Variants in PSD3 observed in about 807,000 individuals in gnomAD.
The protein encoded by PSD3 is pleckstrin and Sec7 domain containing 3, also known as PH and SEC7 domain-containing protein 3.
Under a neutral mutation model 105.5 loss-of-function variants are expected in PSD3, and 49 were observed. The ratio of observed to expected loss-of-function variants is 0.46; its 90% CI spans 0.37 to 0.59. The LOEUF is 0.59. Ranked by LOEUF, PSD3 falls within the 20% of genes least tolerant of loss-of-function variation. The pLI is 0.00. For synonymous variants in PSD3, 557 were observed against 457.8 expected (o/e 1.22, Z -2.77); for missense variants, 1,561 against 1,263.8 (o/e 1.24, Z -3.57).
intron 4 of PSD3, among the ~76,000 whole-genome samples, chr8:18,840,657 G>C (rs77004696): frequency 6.6e-6 from 1 of 152,170 alleles, no homozygotes; most frequent in Non-Finnish European, 1.5e-5. Flanking sequence ...CCCATAACAC[G>C]GCAGGCCAGT....
intron 8 of PSD3, among the ~76,000 whole-genome samples, chr8:18,786,459 T>A (rs1437062167): frequency 6.6e-6 from 1 of 152,244 alleles, no homozygotes; most frequent in Non-Finnish European, 1.5e-5. Flanking sequence ...AATTCAGATT[T>A]ACTTTAACTG....
chr8:18,599,211 C>T lies in PSD3; in HGVS notation c.2481+1153G>A, dbSNP rs188585532. Among the ~76,000 whole-genome samples, 3 of 152,234 alleles carry T rather than the reference C, an allele frequency of 2.0e-5. No individual in the cohort carries two copies. The East Asian group carries it at 5.8e-4, about 29-fold the overall frequency. ...TATGGTTCTGGCATAAAGACAGACA[C>T]ATGCATAGACCAACAGAATGGAACA... On this transcript the variant is annotated intron_variant, in intron 12 of 15. Coordinates refer to ENST00000327040, the MANE Select transcript of PSD3 (RefSeq NM_015310.4).
intron 1 of PSD3, among the ~76,000 whole-genome samples, chr8:18,973,796 A>C (rs1430510189): frequency 6.6e-6 from 1 of 152,222 alleles, no homozygotes; most frequent in Non-Finnish European, 1.5e-5. Flanking sequence ...AGCTTCTTTC[A>C]TTCTGCTGTT....
chr8:18,582,224 C>T (rs1198635645), intron 12 of PSD3, among the ~76,000 whole-genome samples: 1 of 152,154 alleles, frequency 6.6e-6, no homozygotes, highest in Non-Finnish European at 1.5e-5. Flanking sequence ...TCCTCTCTGC[C>T]TCTGCATCCT....
At position 19,022,265 on chromosome 8, in the gene PSD3, C is replaced by T. The variant is rs149863491; in HGVS notation, c.324+61941G>A. 1.8e-3 allele frequency among the ~76,000 whole-genome samples: 270 copies of T among 152,340 alleles called. 1 individual carries two copies. Among genetic ancestry groups the T allele is most frequent in the African/African-American group, 5.8e-3 (241 of 41,574 alleles). ...TCTGACATTGGGAATCACATTTCAACATGAGATTTGGAGGGGACAAACATC... is the reference window on the plus strand; with the variant it reads ...TCTGACATTGGGAATCACATTTCAATATGAGATTTGGAGGGGACAAACATC... On this transcript the variant is annotated intron_variant, in intron 1 of 1. Coordinates refer to the PSD3 transcript ENST00000521475.
intron 1 of PSD3, among the ~76,000 whole-genome samples, chr8:18,937,586 G>A (rs942714274): frequency 2.0e-5 from 3 of 152,156 alleles, no homozygotes; most frequent in African/African-American, 7.2e-5. Context: ...CATTCAGACA[G>A]CAATTTCTTA....
intron 2 of PSD3, among the ~76,000 whole-genome samples, chr8:18,926,413 A>G (rs2129467958): frequency 6.6e-6 from 1 of 152,056 alleles, no homozygotes; most frequent in Admixed American, 6.5e-5. Flanking sequence ...GTATATGAAA[A>G]TATTCCAAAA....
chr8:18,786,244 T>C lies in PSD3; in HGVS notation c.2082+13051A>G, dbSNP rs189552380. Among the ~76,000 whole-genome samples the C allele has an allele frequency of 1.8e-3, 279 of 152,260 alleles. No homozygotes were observed. The Middle Eastern group carries it at 0.024, about 13-fold the overall frequency. On this transcript the variant is annotated intron_variant, in intron 8 of 15. Coordinates refer to ENST00000327040, the MANE Select transcript of PSD3 (RefSeq NM_015310.4). ...CAATTTAAACTTGAAGAAGAGATAC[T>C]ATTTAAAAAAAATTCTTTTGGGAGA...
intron 2 of PSD3, among the ~76,000 whole-genome samples, chr8:18,929,065 C>A (rs192667113): frequency 5.8e-4 from 89 of 152,258 alleles, no homozygotes; most frequent in African/African-American, 2.1e-3. Flanking sequence ...TAAAAATCCA[C>A]TGAATTTTAC....
At chr8:18,661,228 C>T (rs1352440891) in intron 9 of PSD3, among the ~76,000 whole-genome samples, 1 of 152,182 alleles carries the variant, frequency 6.6e-6, no homozygotes, top group Non-Finnish European at 1.5e-5. Flanking sequence ...GATATCACAG[C>T]TTCCACTTTC....
At chr8:18,603,784 G>C (rs918289549) in intron 11 of PSD3, among the ~76,000 whole-genome samples, 2 of 152,138 alleles carry the variant, frequency 1.3e-5, no homozygotes, top group Non-Finnish European at 2.9e-5. Flanking sequence ...GTTTAAAAGT[G>C]TGTAGCACCT....
chr8:18,697,642 C>A (rs1392593556), intron 9 of PSD3, among the ~76,000 whole-genome samples: 1 of 152,176 alleles, frequency 6.6e-6, no homozygotes, highest in African/African-American at 2.4e-5. Flanking sequence ...CTTCTCTCCT[C>A]CTTTATCTTA....
Position 18,669,719 on chromosome 8 carries a change from A to G in PSD3, c.2173-14034T>C, listed in dbSNP as rs145408622. Among the ~76,000 whole-genome samples the G allele has an allele frequency of 3.9e-3, 591 of 152,334 alleles. 4 individuals are homozygous for G. The highest frequency in any genetic ancestry group is 0.014 in the African/African-American group (572 of 41,580). ...AAAATTTTCCTTTTAATGTTTTTGGACGATGTTTGATGGCAGTTAAGTGAA... is the reference window on the plus strand; with the variant it reads ...AAAATTTTCCTTTTAATGTTTTTGGGCGATGTTTGATGGCAGTTAAGTGAA... On this transcript the variant is annotated intron_variant, in intron 9 of 15. Transcript: ENST00000327040.
intron 9 of PSD3, among the ~76,000 whole-genome samples, chr8:18,660,775 A>G (rs1285690338): frequency 6.6e-6 from 1 of 152,202 alleles, no homozygotes; most frequent in Non-Finnish European, 1.5e-5. Flanking sequence ...CCAATCTTTT[A>G]TCTAACTGTA....
chr8:18,965,452 C>T (rs771850323), intron 1 of PSD3, among the ~76,000 whole-genome samples: 72 of 152,162 alleles, frequency 4.7e-4, no homozygotes, highest in Non-Finnish European at 9.1e-4. Context: ...ATCCCATTAC[C>T]CCGTTCGGCG....
At chr8:18,765,693 G>A (rs146384878) in intron 8 of PSD3, among the ~76,000 whole-genome samples, 155 bp from the exon 9 acceptor site, 5,434 of 152,248 alleles carry the variant, frequency 0.036, 112 homozygotes, top group African/African-American at 0.059. Context: ...TTGGGAGGCC[G>A]AGGTGGGTGG....
Position 18,869,253 on chromosome 8 carries a change from A to C in PSD3, c.1239-1184T>G, listed in dbSNP as rs191481961. 6.3e-4 allele frequency among the ~76,000 whole-genome samples: 89 copies of C among 140,886 alleles called. No homozygotes were observed. The East Asian group carries it at 0.011, about 18-fold the overall frequency. 92.4% of individuals were successfully genotyped at this position (140,886 alleles called of 152,430 possible). On this transcript the variant is annotated intron_variant, in intron 3 of 15. Coordinates refer to ENST00000327040, the MANE Select transcript of PSD3 (RefSeq NM_015310.4). The stretch of plus-strand genomic sequence containing the variant: ...CACCTAGGCTGGGGTGCATTGGTGC[A>C]ATCTCGGCTCACTGCAGCCTCCGCC...
intron 4 of PSD3, among the ~76,000 whole-genome samples, chr8:18,835,036 A>T (rs1227563982): frequency 6.6e-6 from 1 of 152,240 alleles, no homozygotes; most frequent in South Asian, 2.1e-4. Flanking sequence ...TTCAGCCATT[A>T]AATTGGTTAA....
intron 8 of PSD3, among the ~76,000 whole-genome samples, chr8:18,783,811 C>T (rs887918134): frequency 3.9e-5 from 6 of 152,026 alleles, no homozygotes; most frequent in African/African-American, 1.4e-4. Flanking sequence ...TTTTTGTATT[C>T]TGAAGTAGAG....
Sources: gnomAD v4.1 joint callset for allele counts (sites outside exome capture counted in the v4.1 genomes callset) on GRCh38, gnomAD v4.1.1 for gene constraint, MANE v1.5 for transcripts, NCBI Gene and HGNC (gene_info 2026-07-23, HGNC 2026-07-21) for gene names.